Variants in C12orf42 observed in about 807,000 individuals in gnomAD.
C12orf42 encodes chromosome 12 open reading frame 42.
In C12orf42, 25 loss-of-function variants were observed where a neutral mutation model predicts 21.6. That is an observed-to-expected ratio of 1.16 (90% CI 0.84 to 1.62). The LOEUF (loss-of-function observed/expected upper bound fraction) is 1.62, where lower values mean the gene tolerates loss of function less well. C12orf42 is among the 40% of genes most tolerant of loss of function. The probability of loss-of-function intolerance (pLI) is 0.00; values close to 1 mark genes in which losing one functional copy is unlikely to be tolerated. For missense variants in C12orf42, 483 were observed against 459.3 expected, an observed-to-expected ratio of 1.05 and a Z score of -0.47; for synonymous variants, 174 against 175.0, an observed-to-expected ratio of 0.99 and a Z score of 0.05.
intron 3 of C12orf42, among the ~76,000 whole-genome samples, chr12:103,388,097 T>A (rs2046764483): frequency 6.6e-6 from 1 of 152,206 alleles, no homozygotes; most frequent in Admixed American, 6.5e-5. Flanking sequence ...TCCTCCACTC[T>A]TAAGTGTGCA....
intron 10 of C12orf42, among the ~76,000 whole-genome samples, chr12:103,258,513 T>G (rs2136217287): frequency 6.6e-6 from 1 of 152,078 alleles, no homozygotes; most frequent in Admixed American, 6.5e-5. Context: ...ACATCTTGTT[T>G]TTTGATTTAT....
chr12:103,465,958 T>A (rs1953093863), intron 2 of C12orf42, among the ~76,000 whole-genome samples: 1 of 152,220 alleles, frequency 6.6e-6, no homozygotes, highest in African/African-American at 2.4e-5. Flanking sequence ...CACTTGATCA[T>A]GGTGGATAAA....
chr12:103,187,870 C>T, the C12orf42 span, among the ~76,000 whole-genome samples: 1 of 152,112 alleles, frequency 6.6e-6, no homozygotes, highest in African/African-American at 2.4e-5. Flanking sequence ...TTTGTGTGTG[C>T]CTTGACTCCT....
chr12:103,058,586 T>C, the C12orf42 span, among the ~76,000 whole-genome samples: 2 of 152,156 alleles, frequency 1.3e-5, no homozygotes, highest in Non-Finnish European at 2.9e-5. Flanking sequence ...TAATTGGAAG[T>C]AAAACACTCC....
intron 4 of C12orf42, among the ~76,000 whole-genome samples, chr12:103,290,896 G>A (rs945200728): frequency 2.0e-5 from 3 of 152,010 alleles, no homozygotes; most frequent in Admixed American, 6.6e-5. Flanking sequence ...TGGGAGGGGG[G>A]TGAGGGATGA....
the C12orf42 span, among the ~76,000 whole-genome samples, chr12:103,189,285 T>A: frequency 1.3e-5 from 2 of 152,200 alleles, no homozygotes; most frequent in African/African-American, 2.4e-5. Context: ...ACAAGCCAGA[T>A]GCTTTAAGGA....
the C12orf42 span, among the ~76,000 whole-genome samples, chr12:103,089,088 C>A: frequency 6.0e-5 from 7 of 116,948 alleles, no homozygotes; most frequent in Non-Finnish European, 8.0e-5. Context: ...GACGACAGAG[C>A]GAGACTCCAT....
chr12:103,432,092 G>A (rs1950307464), intron 2 of C12orf42, among the ~76,000 whole-genome samples: 1 of 152,148 alleles, frequency 6.6e-6, no homozygotes, highest in Non-Finnish European at 1.5e-5. Flanking sequence ...CCCTTGGTGT[G>A]GGCTGTCCAC....
At chr12:103,161,177 GGAGATACCCAAGTCTT>G in the C12orf42 span, among the ~76,000 whole-genome samples, 2 of 152,120 alleles carry the variant, frequency 1.3e-5, no homozygotes, top group Non-Finnish European at 2.9e-5. Flanking sequence ...AGTTTCTCTT[GGAGATACCCAAGTCTT>G]GAGGAAAATC....
At position 103,410,878 on chromosome 12, in the gene C12orf42, G is replaced by A. The variant is rs192239472; in HGVS notation, c.79-9203C>T. Among the ~76,000 whole-genome samples the A allele has an allele frequency of 5.3e-5, 8 of 152,264 alleles. No individual in the cohort carries two copies. The East Asian group carries it at 1.2e-3, about 22-fold the overall frequency. ...GCGGGAAGAGAAATCAACGGTTACTGAGCACATCTCAGCAACTGTATAGAG... is the reference window on the plus strand; with the variant it reads ...GCGGGAAGAGAAATCAACGGTTACTAAGCACATCTCAGCAACTGTATAGAG... On this transcript the variant is annotated intron_variant, in intron 2 of 5. Coordinates refer to ENST00000548883, the MANE Select transcript of C12orf42 (RefSeq NM_198521.5).
intron 10 of C12orf42, among the ~76,000 whole-genome samples, chr12:103,248,086 T>A (rs1310379112): frequency 6.6e-6 from 1 of 152,056 alleles, no homozygotes. Flanking sequence ...GTCTGTTTCC[T>A]TAATCACTGT....
chr12:103,163,235 C>T, the C12orf42 span, among the ~76,000 whole-genome samples: 1 of 152,182 alleles, frequency 6.6e-6, no homozygotes, highest in Non-Finnish European at 1.5e-5. Flanking sequence ...ATCTCAGCAG[C>T]ATCTAAATTG....
chr12:103,425,455 G>A (rs756399000), intron 2 of C12orf42, among the ~76,000 whole-genome samples: 9 of 152,162 alleles, frequency 5.9e-5, no homozygotes, highest in South Asian at 2.1e-4. Context: ...GGCATCTGGC[G>A]GGTGCCCCTC....
At chr12:103,073,846 T>C in the C12orf42 span, among the ~76,000 whole-genome samples, 1 of 152,220 alleles carries the variant, frequency 6.6e-6, no homozygotes, top group South Asian at 2.1e-4. Flanking sequence ...CACTAGCTTC[T>C]TAATGCAGGT....
At chr12:103,211,692 C>T in the C12orf42 span, among the ~76,000 whole-genome samples, 6 of 152,250 alleles carry the variant, frequency 3.9e-5, no homozygotes, top group East Asian at 1.2e-3. Context: ...GTGAAAGACC[C>T]AGCTAAATCA....
chr12:103,484,467 G>A (rs1565899525), intron 1 of C12orf42, among the ~76,000 whole-genome samples: 1 of 152,182 alleles, frequency 6.6e-6, no homozygotes, highest in Non-Finnish European at 1.5e-5. Flanking sequence ...CTTCTTTTGA[G>A]AAGTGTCTGT....
the C12orf42 span, chr12:103,161,408 A>T: frequency 1.3e-5 from 2 of 151,998 alleles, no homozygotes; most frequent in African/African-American, 2.4e-5. Context: ...AATACATTTT[A>T]AAAAATTACC....
At chr12:103,236,838 G>A (rs2033483547), downstream of C12orf42, among the ~76,000 whole-genome samples, 2 of 152,076 alleles carry the variant, frequency 1.3e-5, no homozygotes, top group Non-Finnish European at 2.9e-5. Flanking sequence ...ATTTCATGAG[G>A]TTTATCTTTG....
intron 4 of C12orf42, among the ~76,000 whole-genome samples, chr12:103,341,577 A>T (rs1172305490): frequency 6.6e-6 from 1 of 152,192 alleles, no homozygotes; most frequent in South Asian, 2.1e-4. Context: ...AGACAAAAGA[A>T]CAGAGAACAA....
Sources: allele counts gnomAD v4.1 joint callset (sites outside exome capture counted in the v4.1 genomes callset), GRCh38; gene constraint gnomAD v4.1.1; transcripts MANE v1.5; gene names NCBI Gene and HGNC (gene_info 2026-07-23, HGNC 2026-07-21).